Variants in CHRM3 observed in about 807,000 individuals in gnomAD.
The protein encoded by CHRM3 is cholinergic receptor muscarinic 3, also known as muscarinic acetylcholine receptor M3.
In CHRM3, 11 loss-of-function variants were observed where a neutral mutation model predicts 41.8. The observed-to-expected ratio is 0.26, with a 90% confidence interval of 0.17 to 0.44. CHRM3 has a LOEUF of 0.44. CHRM3 is among the 20% of genes least tolerant of loss of function. CHRM3 has a pLI of 1.00. For synonymous variants in CHRM3, 297 were observed against 301.4 expected, an observed-to-expected ratio of 0.99 and a Z score of 0.15; for missense variants, 571 against 745.4, an observed-to-expected ratio of 0.77 and a Z score of 2.72.
chr1:239,631,615 A>G (rs1406323192), intron 3 of CHRM3, among the ~76,000 whole-genome samples: 11 of 151,976 alleles, frequency 7.2e-5, no homozygotes, highest in Admixed American at 7.2e-4. Flanking sequence ...TTAACCTTCT[A>G]ATGGAGGTAC....
At chr1:239,533,803 G>A (rs540834582) in intron 2 of CHRM3, among the ~76,000 whole-genome samples, 5 of 148,244 alleles carry the variant, frequency 3.4e-5, no homozygotes, top group South Asian at 2.2e-4. Flanking sequence ...TCACCATCAC[G>A]AGAACAGCAG....
In CHRM3 at chr1:239,537,858, C is replaced by G. The variant is rs147833329; in HGVS notation, c.-421-7783C>G. 2.8e-3 allele frequency among the ~76,000 whole-genome samples: 424 copies of G among 152,258 alleles called. 2 individuals are homozygous for G. The highest frequency in any genetic ancestry group is 9.2e-3 in the African/African-American group (383 of 41,546). ...AATCAGATAGATTAAGATTTGATTT[C>G]CATCTTTGCCCACTCATTGGCTAAT... On this transcript the variant is annotated intron_variant, in intron 2 of 6. Coordinates refer to ENST00000676153, the MANE Select transcript of CHRM3 (RefSeq NM_001375978.1).
chr1:239,816,649 G>T (rs1260019213), intron 5 of CHRM3, among the ~76,000 whole-genome samples: 1 of 151,984 alleles, frequency 6.6e-6, no homozygotes, highest in Non-Finnish European at 1.5e-5. Context: ...AGACTGCCTG[G>T]GCTCAAAGCC....
Position 239,435,247 on chromosome 1 carries a change from T to TAC in CHRM3, c.-521+48020_-521+48021insAC, listed in dbSNP as rs1280789666. Among the ~76,000 whole-genome samples the TAC allele has an allele frequency of 2.6e-5, 4 of 152,136 alleles. No homozygotes were observed. In the East Asian group the frequency reaches 7.8e-4, roughly 30 times the overall value. ...CGGGCGGATCACGAGGTCAGGAGTTTGAGACCAGCCTGGCCAATATCATGA... is the reference window on the plus strand; with the variant it reads ...CGGGCGGATCACGAGGTCAGGAGTTTACGAGACCAGCCTGGCCAATATCATGA... On this transcript the variant is annotated intron_variant, in intron 1 of 6. Transcript: ENST00000676153.
intron 5 of CHRM3, chr1:239,707,084 CTG>C (rs1225052114): frequency 1.3e-5 from 2 of 152,146 alleles, no homozygotes; most frequent in African/African-American, 2.4e-5. Context: ...TTCTGGGTAA[CTG>C]TGGACAAATG....
chr1:239,487,156 A>G (rs1438212917), intron 1 of CHRM3, among the ~76,000 whole-genome samples: 1 of 152,208 alleles, frequency 6.6e-6, no homozygotes, highest in Non-Finnish European at 1.5e-5. Context: ...GAAGTCAGTA[A>G]TAGATGGAGG....
At chr1:239,410,710 T>C (rs1175747454) in intron 1 of CHRM3, among the ~76,000 whole-genome samples, 2 of 152,188 alleles carry the variant, frequency 1.3e-5, no homozygotes, top group Non-Finnish European at 2.9e-5. Flanking sequence ...AGCACCATCT[T>C]TCTGTTAAGA....
intron 1 of CHRM3, among the ~76,000 whole-genome samples, chr1:239,436,213 A>C (rs1663254674): frequency 6.6e-6 from 1 of 152,170 alleles, no homozygotes; most frequent in African/African-American, 2.4e-5. Context: ...CTTTCCCTGA[A>C]GTCTTCCAGC....
intron 1 of CHRM3, among the ~76,000 whole-genome samples, chr1:239,393,620 T>G (rs2102930328): frequency 6.6e-6 from 1 of 152,370 alleles, no homozygotes; most frequent in East Asian, 1.9e-4. Flanking sequence ...CTCTTCCAGC[T>G]TTCCTTGAGC....
intron 3 of CHRM3, among the ~76,000 whole-genome samples, chr1:239,549,158 A>G (rs1256775321): frequency 6.6e-6 from 1 of 152,092 alleles, no homozygotes; most frequent in African/African-American, 2.4e-5. Flanking sequence ...AACCTGCCCC[A>G]ATGATTCAAT....
intron 5 of CHRM3, among the ~76,000 whole-genome samples, chr1:239,743,274 C>G (rs1279712477): frequency 6.6e-6 from 1 of 152,166 alleles, no homozygotes; most frequent in Non-Finnish European, 1.5e-5. Flanking sequence ...AGATATTTTT[C>G]AGTTCATCAC....
chr1:239,871,208 T>TGTGTATA (rs1676551466), intron 6 of CHRM3, among the ~76,000 whole-genome samples: 7 of 152,170 alleles, frequency 4.6e-5, no homozygotes, highest in Admixed American at 4.6e-4. Flanking sequence ...CACTATATCC[T>TGTGTATA]GTGTATAGGG....
chr1:239,855,054 G>A (rs1674993278), intron 6 of CHRM3, among the ~76,000 whole-genome samples: 1 of 152,072 alleles, frequency 6.6e-6, no homozygotes, highest in Admixed American at 6.6e-5. Context: ...CTTCACTCTT[G>A]ACTTTGCAAA....
chr1:239,407,068 T>A (rs1660648442), intron 1 of CHRM3, among the ~76,000 whole-genome samples: 1 of 152,208 alleles, frequency 6.6e-6, no homozygotes, highest in Non-Finnish European at 1.5e-5. Flanking sequence ...AACTTCCTGC[T>A]GTTTTCTTTT....
chr1:239,844,858 T>C (rs747071807), intron 6 of CHRM3, among the ~76,000 whole-genome samples: 6 of 152,140 alleles, frequency 3.9e-5, no homozygotes, highest in East Asian at 1.9e-4. Context: ...AACACTGATA[T>C]TCATTTTGAT....
intron 3 of CHRM3, among the ~76,000 whole-genome samples, chr1:239,607,884 T>C (rs543683919): frequency 2.6e-5 from 4 of 152,330 alleles, no homozygotes; most frequent in African/African-American, 9.6e-5. Context: ...TTATATTTTG[T>C]GTTCTGCATT....
At chr1:239,425,323 T>G (rs1662282451) in intron 1 of CHRM3, among the ~76,000 whole-genome samples, 1 of 152,174 alleles carries the variant, frequency 6.6e-6, no homozygotes, top group Non-Finnish European at 1.5e-5. Context: ...CACTCATTCA[T>G]TCACTCGGTA....
intron 6 of CHRM3, among the ~76,000 whole-genome samples, chr1:239,902,364 G>T (rs1210406126): frequency 6.6e-6 from 1 of 152,142 alleles, no homozygotes; most frequent in Non-Finnish European, 1.5e-5. Flanking sequence ...AATTTGGTAA[G>T]TTTATACATC....
intron 3 of CHRM3, among the ~76,000 whole-genome samples, chr1:239,598,152 T>C (rs1435272750): frequency 2.0e-5 from 3 of 152,130 alleles, no homozygotes; most frequent in Non-Finnish European, 4.4e-5. Flanking sequence ...CTCTCCCTCC[T>C]CTAGTGCTTT....
Sources: allele counts gnomAD v4.1 joint callset (sites outside exome capture counted in the v4.1 genomes callset), GRCh38; gene constraint gnomAD v4.1.1; transcripts MANE v1.5; gene names NCBI Gene and HGNC (gene_info 2026-07-23, HGNC 2026-07-21).